Variants in NID1 observed in about 807,000 individuals in gnomAD.
NID1 encodes the protein nidogen 1, also known as nidogen-1.
NID1 carries 76 observed loss-of-function variants against 130.6 expected under a neutral mutation model. That is an observed-to-expected ratio of 0.58 (90% CI 0.48 to 0.70). NID1 has a LOEUF of 0.70. Ranked by LOEUF, NID1 falls within the 30% of genes least tolerant of loss-of-function variation. NID1 has a pLI of 0.00. For missense variants in NID1, 1,517 were observed against 1,664.8 expected (o/e 0.91, Z 1.54); for synonymous variants, 665 against 675.1 (o/e 0.98, Z 0.23).
At chr1:236,025,565 A>C (rs1368396990) in intron 8 of NID1, among the ~76,000 whole-genome samples, 1 of 152,114 alleles carries the variant, frequency 6.6e-6, no homozygotes, top group East Asian at 1.9e-4. Context: ...CCTGGCCTAC[A>C]ATTTCTTTCA....
rs781082917 is a variant in NID1 at position 235,981,765 on chromosome 1, C to G, written c.3073G>C (p.Gly1025Arg). The change falls in exon 16 of 20, where the codon GGT becomes CGT. Residue 1025 changes from glycine (G) to arginine (R), a missense_variant. Gly to Arg is a moderately radical substitution (Grantham distance 125). Around this residue, in one of 3 missense-constraint regions of NID1, gnomAD observed 1,329 missense variants for 1,429.2 expected, o/e 0.93. Coordinates refer to ENST00000264187, the MANE Select transcript of NID1 (RefSeq NM_002508.3). Reference sequence around the variant, plus strand: ...CGGCCAAGGTGATCAACAGCGATACCTTCTGGACTTCCAAGATCTAGAAGT... The same window carrying G: ...CGGCCAAGGTGATCAACAGCGATACGTTCTGGACTTCCAAGATCTAGAAGT... The part of the protein sequence containing the change: ...IIRQDLGSPE[G>R]IAVDHLGRNI... 3.1e-6 allele frequency: 5 copies of G among 1,610,252 alleles called. No homozygotes were observed. In the South Asian group the frequency reaches 5.5e-5, roughly 18 times the overall value.
intron 12 of NID1, among the ~76,000 whole-genome samples, chr1:236,010,301 T>C (rs1283949752): frequency 3.4e-5 from 2 of 58,246 alleles, no homozygotes; most frequent in Non-Finnish European, 7.7e-5. Context: ...CTATTTATAC[T>C]TTTTTTTTTT....
At position 235,979,754 on chromosome 1, in the gene NID1, C is replaced by T; in HGVS notation, c.3509+68G>A. On this transcript the variant is annotated intron_variant, in intron 18 of 19. Coordinates refer to ENST00000264187, the MANE Select transcript of NID1 (RefSeq NM_002508.3). The surrounding 1 kb of genome is among the most constrained non-coding windows in gnomAD (Gnocchi z 4.6). ...AAGCCAAGAGGCCAGATGGGAAGGGCCTGGCCTCCCAGAGACAGTGGGTGG... is the reference window on the plus strand; with the variant it reads ...AAGCCAAGAGGCCAGATGGGAAGGGTCTGGCCTCCCAGAGACAGTGGGTGG... 6.3e-7 allele frequency: 1 copy of T among 1,585,156 alleles called. No individual in the cohort carries two copies. Among genetic ancestry groups the T allele is most frequent in the Admixed American group, 1.7e-5 (1 of 59,520 alleles).
At chr1:235,978,414 T>C (rs1457195064) in intron 19 of NID1, among the ~76,000 whole-genome samples, 2 of 152,188 alleles carry the variant, frequency 1.3e-5, no homozygotes, top group Non-Finnish European at 2.9e-5. Flanking sequence ...AGAGGCAGCA[T>C]AGCATAGACT....
At chr1:235,998,616 A>G (rs1204756915) in intron 12 of NID1, among the ~76,000 whole-genome samples, 1 of 152,084 alleles carries the variant, frequency 6.6e-6, no homozygotes, top group African/African-American at 2.4e-5. Context: ...CAGAGGTTGC[A>G]GTGAGCCAAG....
In NID1 at chr1:235,981,689, A is replaced by G; in HGVS notation, c.3149T>C (p.Leu1050Pro). The change falls in exon 16 of 20, where the codon CTG becomes CCG. Residue 1050 changes from leucine to proline, a missense_variant. By Grantham distance (98) the Leu-to-Pro change is moderately conservative. Transcript: ENST00000264187. ...GAGCACCCGGCGCTGCGTGCCGTCC[A>G]GCTTCGCCACTTCTATTCGATCCAG... ...SNLDRIEVAK[L>P]DGTQRRVLFE... is the part of the protein sequence containing the mutation. The G allele has an allele frequency of 3.1e-6, 5 of 1,614,250 alleles. No homozygotes were observed. The highest frequency in any genetic ancestry group is 3.4e-6 in the Non-Finnish European group (4 of 1,180,046).
rs774726306 is a variant in NID1, at chr1:236,064,956, C to G, written c.124G>C (p.Gly42Arg). ...TCCCCGTCCTCCAGCTCCAGGTCCC[C>G]CTGTCCGGGGCCGAAGGGAAAGAGC... ...QELFPFGPGQGDLELEDGDDF... is the reference protein window; with the variant it reads ...QELFPFGPGQRDLELEDGDDF... Residue 42 changes from glycine to arginine, a missense_variant, in exon 1 of 20, where the codon GGG (glycine) becomes CGG (arginine). Gly to Arg is a moderately radical substitution (Grantham distance 125, BLOSUM62 -2). Around this residue, in one of 3 missense-constraint regions of NID1, gnomAD observed 1,329 missense variants for 1,429.2 expected, o/e 0.93. Coordinates refer to ENST00000264187, the MANE Select transcript of NID1 (RefSeq NM_002508.3). 1.6e-5 allele frequency: 25 copies of G among 1,602,858 alleles called. No individual in the cohort carries two copies. The South Asian group carries it at 2.1e-4, about 14-fold the overall frequency.
chr1:236,014,217 T>C (rs2385050), intron 10 of NID1, among the ~76,000 whole-genome samples: 86,865 of 145,308 alleles, frequency 0.6, 26,800 homozygotes, highest in East Asian at 0.77. Context: ...CCCCACCCCC[T>C]CAACTCTCTC....
At chr1:236,045,434 A>T in intron 3 of NID1, 23 bp downstream of exon 3, 1 of 1,487,900 alleles carries the variant, frequency 6.7e-7, no homozygotes, top group Non-Finnish European at 9.4e-7. Flanking sequence ...AGGAGAATCT[A>T]CTGAAGAACA....
At chr1:236,055,527 C>T (rs987713735) in intron 1 of NID1, among the ~76,000 whole-genome samples, 1 of 151,666 alleles carries the variant, frequency 6.6e-6, no homozygotes, top group Admixed American at 6.6e-5. Flanking sequence ...TGGCTAATCA[C>T]ACCTGTAATT....
chr1:235,985,428 A>T lies in NID1; in HGVS notation c.3006T>A (p.Ile1002=), dbSNP rs774562382. The change falls in exon 15 of 20, where the codon ATT becomes ATA. Residue 1002 remains isoleucine, a synonymous_variant. Transcript: ENST00000264187. ...CTCCACCATGTAGACTAGCTCTCCC[A>T]ATGGAAGGCTCAGTGATGTCCGTCC... ...VYWTDITEPS[I]GRASLHGGEP... The T allele has an allele frequency of 9.3e-6, 15 of 1,613,948 alleles. No individual in the cohort carries two copies. Among genetic ancestry groups the T allele is most frequent in the Non-Finnish European group, 1.3e-5 (15 of 1,179,970 alleles).
At chr1:236,044,014 G>A (rs891428246) in intron 3 of NID1, among the ~76,000 whole-genome samples, 1 of 152,116 alleles carries the variant, frequency 6.6e-6, no homozygotes, top group Non-Finnish European at 1.5e-5. Context: ...TCTGTGATTG[G>A]AAGTGCTCCT....
intron 2 of NID1, among the ~76,000 whole-genome samples, chr1:236,046,907 G>C (rs1329253769): frequency 6.6e-6 from 1 of 152,200 alleles, no homozygotes; most frequent in Admixed American, 6.5e-5. Context: ...TGGAGCGGGG[G>C]AAGGGAAGAG....
chr1:236,015,518 A>G (rs1403082646), intron 10 of NID1, among the ~76,000 whole-genome samples: 1 of 151,892 alleles, frequency 6.6e-6, no homozygotes, highest in Non-Finnish European at 1.5e-5. Flanking sequence ...GTGGTGGTGC[A>G]TGCCTGTAAT....
intron 12 of NID1, among the ~76,000 whole-genome samples, chr1:236,003,648 T>A (rs748628022): frequency 6.6e-6 from 1 of 152,130 alleles, no homozygotes. Context: ...GGTGGGCAGA[T>A]CACTTGAGGC....
chr1:236,052,590 A>T (rs1464148666), intron 1 of NID1, among the ~76,000 whole-genome samples: 1 of 152,096 alleles, frequency 6.6e-6, no homozygotes, highest in East Asian at 1.9e-4. Flanking sequence ...TTGTTTTGTT[A>T]TAACGTTGAT....
intron 4 of NID1, among the ~76,000 whole-genome samples, chr1:236,040,729 T>C (rs1659426835): frequency 2.0e-5 from 3 of 151,826 alleles, no homozygotes; most frequent in Non-Finnish European, 4.4e-5. Context: ...AATGGAGCGA[T>C]CTCGGCTCAC....
chr1:236,039,134 C>T (rs1045434350), intron 4 of NID1, among the ~76,000 whole-genome samples: 1 of 139,810 alleles, frequency 7.2e-6, no homozygotes, highest in African/African-American at 2.6e-5. Flanking sequence ...ATATAAAATA[C>T]AATATATTAC....
At chr1:235,993,523 CT>C (rs1657825293) in intron 13 of NID1, 121 bp downstream of exon 13, 2 of 893,704 alleles carry the variant, frequency 2.2e-6, no homozygotes, top group African/African-American at 5.4e-5. Flanking sequence ...GCGGGTGGGG[CT>C]GGAGCCAGTG....
Sources: allele counts gnomAD v4.1 joint callset (sites outside exome capture counted in the v4.1 genomes callset), GRCh38; gene constraint gnomAD v4.1.1; regional missense constraint gnomAD v4.1.1; non-coding constraint Gnocchi (gnomAD v3.1); transcripts MANE v1.5; gene names NCBI Gene and HGNC (gene_info 2026-07-23, HGNC 2026-07-21).